Variants in TMEM44 observed in about 807,000 individuals in gnomAD.
TMEM44 encodes the protein transmembrane protein 44.
Under a neutral mutation model 47.8 loss-of-function variants are expected in TMEM44, and 43 were observed. That is an observed-to-expected ratio of 0.90 (90% CI 0.70 to 1.16). The LOEUF (loss-of-function observed/expected upper bound fraction) is 1.16, where lower values mean the gene tolerates loss of function less well. Among genes scored for constraint, TMEM44 ranks in the 50% most tolerant of loss-of-function variants. TMEM44 has a pLI of 0.00. For missense variants in TMEM44, 568 were observed against 555.2 expected, an observed-to-expected ratio of 1.02 and a Z score of -0.23; for synonymous variants, 277 against 238.8, an observed-to-expected ratio of 1.16 and a Z score of -1.48.
intron 1 of TMEM44, 45 bp downstream of exon 1, chr3:194,633,034 G>T (rs1385724819): frequency 9.9e-6 from 5 of 505,870 alleles, no homozygotes; most frequent in Non-Finnish European, 1.5e-5. Flanking sequence ...GGGGATTGGC[G>T]CCCGTTTCCC....
chr3:194,623,061 C>A (rs776197299), intron 5 of TMEM44, 163 bp downstream of exon 5: 16 of 639,962 alleles, frequency 2.5e-5, no homozygotes, highest in East Asian at 6.9e-5. Context: ...ACACACACCC[C>A]CTCCTTGCTG....
In TMEM44 at chr3:194,611,561, T is replaced by C. The variant is rs1200626770; in HGVS notation, c.913-541A>G. Among the ~76,000 whole-genome samples the C allele has an allele frequency of 6.6e-6, 1 of 152,198 alleles. No individual in the cohort carries two copies. Among genetic ancestry groups the C allele is most frequent in the East Asian group, 1.9e-4 (1 of 5,200 alleles). Reference sequence around the variant, plus strand: ...CCCACTTCCAGACATTCTGATTTCATGGGTATGAGATGTAACCGGGAAGTG... The same window carrying C: ...CCCACTTCCAGACATTCTGATTTCACGGGTATGAGATGTAACCGGGAAGTG... On this transcript the variant is annotated intron_variant, in intron 7 of 9. Transcript: ENST00000347147. The surrounding 1 kb of genome is among the most constrained non-coding windows in gnomAD (Gnocchi z 4.2).
chr3:194,597,662 A>G (rs1706019), intron 9 of TMEM44, among the ~76,000 whole-genome samples: 73,637 of 150,162 alleles, frequency 0.49, 18,719 homozygotes, highest in Non-Finnish European at 0.56. Context: ...AAAAAAAAAA[A>G]AAAGAAAAAA....
intron 8 of TMEM44, 84 bp downstream of exon 8, chr3:194,610,832 G>T (rs1715242713): frequency 8.2e-7 from 1 of 1,224,078 alleles, no homozygotes; most frequent in Non-Finnish European, 1.2e-6. Flanking sequence ...TCATCCCTCA[G>T]CTAAAGCATC....
chr3:194,629,418 T>C (rs1717527889), intron 1 of TMEM44, among the ~76,000 whole-genome samples: 1 of 152,208 alleles, frequency 6.6e-6, no homozygotes, highest in Non-Finnish European at 1.5e-5. Flanking sequence ...CCCCAGTCCA[T>C]ATCCACTGGA....
At chr3:194,610,202 CAG>C (rs752893306) in intron 8 of TMEM44, among the ~76,000 whole-genome samples, 6 of 150,576 alleles carry the variant, frequency 4.0e-5, no homozygotes, top group African/African-American at 9.8e-5. Flanking sequence ...GCCTGGGCGA[CAG>C]AGTGTCTCAA....
intron 5 of TMEM44, among the ~76,000 whole-genome samples, chr3:194,620,435 C>A (rs970935581): frequency 6.6e-6 from 1 of 152,050 alleles, no homozygotes; most frequent in African/African-American, 2.4e-5. Flanking sequence ...CATCAGCTTC[C>A]TTTTTTCCAG....
intron 5 of TMEM44, among the ~76,000 whole-genome samples, chr3:194,620,497 C>G (rs1260081387): frequency 6.6e-6 from 1 of 152,114 alleles, no homozygotes; most frequent in Non-Finnish European, 1.5e-5. Flanking sequence ...ATGATCAGGT[C>G]CCAGGTGCCT....
Position 194,588,513 on chromosome 3 carries a change from C to G in TMEM44, c.*16G>C. 6.2e-7 allele frequency: 1 copy of G among 1,611,458 alleles called. No homozygotes were observed. Among genetic ancestry groups the G allele is most frequent in the South Asian group, 1.1e-5 (1 of 90,998 alleles). On this transcript the variant is annotated 3_prime_UTR_variant, in exon 10 of 10. Coordinates refer to ENST00000347147, the MANE Select transcript of TMEM44 (RefSeq NM_001011655.3). ...TGACCCTGGGCTCTGAGCTGATGAG[C>G]TGGCTCCAGAAGGTGTTAATCATCA...
chr3:194,606,264 G>A (rs1714765075), intron 8 of TMEM44, among the ~76,000 whole-genome samples: 1 of 152,142 alleles, frequency 6.6e-6, no homozygotes, highest in Admixed American at 6.6e-5. Flanking sequence ...GCGTCTCCTG[G>A]AAAATCGCTC....
rs952528359 is a variant in TMEM44, at chr3:194,611,401, G to A, written c.913-381C>T. 1.6e-4 allele frequency among the ~76,000 whole-genome samples: 25 copies of A among 151,918 alleles called. No homozygotes were observed. The highest frequency in any genetic ancestry group is 1.5e-3 in the Admixed American group (23 of 15,238). ...ATGACAGGCGTGAGCCACCACACCC[G>A]GCCTATTCTGCTTTTTAAGATCCCC... On this transcript the variant is annotated intron_variant, in intron 7 of 9. Transcript: ENST00000347147. This position sits in a 1 kb window ranked among gnomAD's most constrained non-coding sequence, Gnocchi z 4.2.
At chr3:194,597,012 C>A (rs922509437) in intron 9 of TMEM44, 1 of 152,246 alleles carries the variant, frequency 6.6e-6, no homozygotes, top group African/African-American at 2.4e-5. Flanking sequence ...TGGGACTTGG[C>A]CCTCTTCAGA....
At chr3:194,609,040 A>G (rs528300278) in intron 8 of TMEM44, among the ~76,000 whole-genome samples, 27 of 152,322 alleles carry the variant, frequency 1.8e-4, no homozygotes, top group African/African-American at 6.3e-4. Flanking sequence ...ATGGATGGGC[A>G]TGGGGGTGTG....
intron 9 of TMEM44, among the ~76,000 whole-genome samples, chr3:194,593,790 A>T (rs1053609742): frequency 3.3e-5 from 5 of 152,112 alleles, no homozygotes; most frequent in Non-Finnish European, 5.9e-5. Context: ...CAACTCCTTA[A>T]CATTTTTCAT....
chr3:194,603,628 T>C (rs2410963), intron 9 of TMEM44, among the ~76,000 whole-genome samples: 79,374 of 151,816 alleles, frequency 0.52, 22,863 homozygotes, highest in East Asian at 0.78. Flanking sequence ...GAACTCCTGA[T>C]CTCAGGTGAT....
At chr3:194,626,973 G>A (rs1386596791) in intron 2 of TMEM44, among the ~76,000 whole-genome samples, 1 of 150,620 alleles carries the variant, frequency 6.6e-6, no homozygotes, top group Non-Finnish European at 1.5e-5. Context: ...CCAGGCTGGA[G>A]TGCAGTGGCA....
intron 9 of TMEM44, among the ~76,000 whole-genome samples, chr3:194,603,073 C>G (rs1223853557): frequency 1.3e-5 from 2 of 152,208 alleles, no homozygotes; most frequent in South Asian, 2.1e-4. Flanking sequence ...TACTGACATA[C>G]AAGCGGCCGC....
chr3:194,595,206 A>C (rs143270978), intron 9 of TMEM44, among the ~76,000 whole-genome samples: 1 of 152,238 alleles, frequency 6.6e-6, no homozygotes, highest in Non-Finnish European at 1.5e-5. Context: ...TTAACATACA[A>C]TGAGCATTTC....
chr3:194,628,526 G>A lies in TMEM44; in HGVS notation c.138-17C>T, dbSNP rs1717422434. On this transcript the variant is annotated splice_polypyrimidine_tract_variant and intron_variant, in intron 1 of 9. Transcript: ENST00000347147. ...TAGAGAAGCCTGGGGTGACAGGGGT[G>A]TGGACAGAACACAGCAACTGTGAGT... 1 of 1,606,936 alleles carries A rather than the reference G, an allele frequency of 6.2e-7. No individual in the cohort carries two copies. Among genetic ancestry groups the A allele is most frequent in the African/African-American group, 1.3e-5 (1 of 74,898 alleles).
Sources: allele counts gnomAD v4.1 joint callset (sites outside exome capture counted in the v4.1 genomes callset), GRCh38; gene constraint gnomAD v4.1.1; non-coding constraint Gnocchi (gnomAD v3.1); transcripts MANE v1.5; gene names NCBI Gene and HGNC (gene_info 2026-07-23, HGNC 2026-07-21).